Variants in PKD1 observed in about 807,000 individuals in gnomAD.
PKD1 encodes polycystin 1, transient receptor potential channel interacting.
Under a neutral mutation model 361.7 loss-of-function variants are expected in PKD1, and 81 were observed. The observed-to-expected ratio is 0.22, with a 90% CI of 0.19 to 0.27. The LOEUF (loss-of-function observed/expected upper bound fraction) is 0.27, where lower values mean the gene tolerates loss of function less well. Among genes scored for constraint, PKD1 ranks in the 10% least tolerant of loss-of-function variants. The pLI is 1.00. For missense variants in PKD1, 6,399 were observed against 6,118.3 expected (o/e 1.05, Z -1.53); for synonymous variants, 3,615 against 2,818.3 (o/e 1.28, Z -8.95).
chr16:2,095,796 T>C (rs2091821827), intron 34 of PKD1, among the ~76,000 whole-genome samples: 2 of 152,228 alleles, frequency 1.3e-5, no homozygotes, highest in Admixed American at 1.3e-4. Flanking sequence ...ATGCGGAGTC[T>C]GAGCTGCCGT....
rs1368794491 is a variant in PKD1, at chr16:2,091,132, C to G, written c.11755G>C (p.Ala3919Pro). ...LFAVHFAVAE[A>P]RTWHREGRWR... ...CGCCCTTCCCTGTGCCAAGTACGGG[C>G]CTCGGCCACGGCGAAGTGCACGGCG... The change falls in exon 43 of 46, where the codon GCC becomes CCC. Residue 3919 changes from alanine (A) to proline (P), a missense_variant. Physicochemically the swap from Ala to Pro is conservative, Grantham distance 27. Transcript: ENST00000262304. 4 of 1,483,744 alleles carry G rather than the reference C, an allele frequency of 2.7e-6. No individual in the cohort carries two copies. The highest frequency in any genetic ancestry group is 3.6e-6 in the Non-Finnish European group (4 of 1,124,598). The allele number at this position is 1,483,744 out of a possible 1,614,324, so 91.9% of individuals were successfully genotyped here. A position where few individuals can be genotyped will look rare whatever the true frequency, so the allele number is the denominator to read the frequency against.
In PKD1 at chr16:2,090,391, A is replaced by G. The variant is rs769106171; in HGVS notation, c.12338T>C (p.Leu4113Ser). The G allele has an allele frequency of 1.2e-6, 2 of 1,612,516 alleles. No homozygotes were observed. The highest frequency in any genetic ancestry group is 1.3e-5 in the African/African-American group (1 of 74,914). The change falls in exon 45 of 46, where the codon TTG becomes TCG. Residue 4113 changes from leucine to serine, a missense_variant. Transcript: ENST00000262304. Reference sequence around the variant, plus strand: ...GGCCGGCCGGTACAGCTCTCCACGCAAGGCGTGGTAGCGCCAGCGGAGAAT... The same window carrying G: ...GGCCGGCCGGTACAGCTCTCCACGCGAGGCGTGGTAGCGCCAGCGGAGAAT... ...AVILRWRYHA[L>S]RGELYRPAWE... is the part of the protein sequence containing the mutation.
chr16:2,122,113 C>G (rs779125693), intron 1 of PKD1, among the ~76,000 whole-genome samples: 80 of 152,354 alleles, frequency 5.3e-4, no homozygotes, highest in Non-Finnish European at 9.4e-4. Flanking sequence ...GGACCAGAGG[C>G]CACCCCAGCT....
At chr16:2,121,999 C>T (rs1034850732) in intron 1 of PKD1, among the ~76,000 whole-genome samples, 2 of 152,254 alleles carry the variant, frequency 1.3e-5, no homozygotes, top group African/African-American at 4.8e-5. Flanking sequence ...ACCGGAGCTC[C>T]GCTCCCACAG....
intron 21 of PKD1, among the ~76,000 whole-genome samples, 173 bp downstream of exon 21, chr16:2,105,149 G>C (rs2092293288): frequency 1.3e-5 from 2 of 149,762 alleles, no homozygotes; most frequent in Non-Finnish European, 3.0e-5. Context: ...CGTTCACACA[G>C]GACAGAACGG....
intron 1 of PKD1, among the ~76,000 whole-genome samples, chr16:2,127,749 TGA>T (rs1422479311): frequency 6.6e-6 from 1 of 151,104 alleles, no homozygotes; most frequent in African/African-American, 2.4e-5. Context: ...AAACTGAGGC[TGA>T]GAGACTGGAC....
Position 2,090,869 on chromosome 16 carries a change from C to G in PKD1, c.12003+15G>C, listed in dbSNP as rs749989463. On this transcript the variant is annotated intron_variant, in intron 43 of 45. Transcript: ENST00000262304. ...GGTGTGCGCCCAGCCCCGCGCCCAC[C>G]GGCCCAGCCCTCACCTTGACCAAAA... 4 of 1,606,354 alleles carry G rather than the reference C, an allele frequency of 2.5e-6. No individual in the cohort carries two copies. The highest frequency in any genetic ancestry group is 3.4e-6 in the Non-Finnish European group (4 of 1,179,674).
At chr16:2,115,340 G>A (rs1317181212) in intron 10 of PKD1, 38 bp downstream of exon 10, 17 of 1,460,874 alleles carry the variant, frequency 1.2e-5, no homozygotes, top group Non-Finnish European at 1.6e-5. Context: ...GGTGGCCTGA[G>A]GAGATGCAGG....
intron 1 of PKD1, chr16:2,133,057 T>G (rs2092906746): frequency 1.6e-5 from 2 of 127,598 alleles, no homozygotes; most frequent in Non-Finnish European, 1.6e-5. Context: ...ACTCCAGCCT[T>G]GGCAACAAGA....
In PKD1 at chr16:2,093,926, GC is replaced by G; in HGVS notation, c.10705del (p.Ala3569LeufsTer16). 6.3e-7 allele frequency: 1 copy of G among 1,584,650 alleles called. No homozygotes were observed. On this transcript the variant is annotated frameshift_variant, in exon 36 of 46. Transcript: ENST00000262304. LOFTEE classifies it high-confidence loss of function. Reference protein sequence around the residue: ...HGLSLLLVAVAVAVSGWVGAS... With the variant: ...HGLSLLLVAVXVAVSGWVGAS... ...ACCCACCCACCCTGAGACAGCCACA[GC>G]CACAGCCACCAGGAGCAGGCTGAGC...
In PKD1 at chr16:2,108,971, G is replaced by A. The variant is rs2092431506; in HGVS notation, c.6196C>T (p.Leu2066=). Residue 2066 remains leucine (L), a synonymous_variant, in exon 15 of 46, where the codon CTG becomes TTG. Coordinates refer to ENST00000262304, the MANE Select transcript of PKD1 (RefSeq NM_001009944.3). ...TTGGTGAAGCAGGGGCCGCTCTGCA[G>A]GGCCACATACTGGACGGCGTCCTGA... is the stretch of plus-strand genomic sequence containing the variant. ...EVQDAVQYVA[L]QSGPCFTNRS... 3 of 1,609,734 alleles carry A rather than the reference G, an allele frequency of 1.9e-6. No homozygotes were observed. The African/African-American group carries it at 4.0e-5, about 22-fold the overall frequency.
At position 2,135,507 on chromosome 16, in the gene PKD1, G is replaced by C. The variant is rs2092940063; in HGVS notation, c.183C>G (p.Pro61=). The C allele has an allele frequency of 4.3e-6, 5 of 1,169,338 alleles. No homozygotes were observed. Among genetic ancestry groups the C allele is most frequent in the Non-Finnish European group, 1.1e-6 (1 of 946,688 alleles). 72.4% of individuals were successfully genotyped at this position (1,169,338 alleles called of 1,614,324 possible). Residue 61 remains proline (P), a synonymous_variant, in exon 1 of 46, where the codon CCC becomes CCG. Coordinates refer to ENST00000262304, the MANE Select transcript of PKD1 (RefSeq NM_001009944.3). ...CSGRGLRTLG[P]ALRIPADATA... The stretch of plus-strand genomic sequence containing the variant: ...TGGCGTCCGCGGGGATGCGCAGCGC[G>C]GGACCGAGCGTCCGCAGCCCGCGGC...
chr16:2,126,813 C>G (rs938079240), intron 1 of PKD1, among the ~76,000 whole-genome samples: 2 of 152,276 alleles, frequency 1.3e-5, no homozygotes, highest in African/African-American at 4.8e-5. Flanking sequence ...GGGTCTCCCC[C>G]ACGAGCAGGG....
At position 2,115,619 on chromosome 16, in the gene PKD1, G is replaced by A. The variant is rs754770106; in HGVS notation, c.1856C>T (p.Pro619Leu). ...GCTCTCAGGCTCGCTGCCGTTCTCC[G>A]GGGTCCCTGTGAGGAGGGGAGGGTG... Reference protein sequence around the residue: ...VYRLLSTAGTPENGSEPESRS... With the variant: ...VYRLLSTAGTLENGSEPESRS... Residue 619 changes from proline to leucine, a missense_variant, in exon 10 of 46, where the codon CCG becomes CTG. By Grantham distance (98) the Pro-to-Leu change is moderately conservative. Transcript: ENST00000262304. 3.2e-5 allele frequency: 51 copies of A among 1,600,688 alleles called. No individual in the cohort carries two copies. The highest frequency in any genetic ancestry group is 1.6e-4 in the African/African-American group (12 of 74,496).
At chr16:2,107,741 C>G (rs1350476624) in intron 16 of PKD1, 142 bp downstream of exon 16, 7 of 779,650 alleles carry the variant, frequency 9.0e-6, no homozygotes, top group Non-Finnish European at 1.5e-5. Flanking sequence ...CTGAAGCAGG[C>G]TGTCGTGTTA....
rs1242007495 is a variant in PKD1 at position 2,132,250 on chromosome 16, C to CA, written c.215+3224dup. The stretch of plus-strand genomic sequence containing the variant: ...GGGCAACAAGAGCGAAACTCCGTCT[C>CA]AAAAAAAAAAAAAAAGTATATATTT... On this transcript the variant is annotated intron_variant, in intron 1 of 45. Coordinates refer to ENST00000262304, the MANE Select transcript of PKD1 (RefSeq NM_001009944.3). Among the ~76,000 whole-genome samples the CA allele has an allele frequency of 2.0e-3, 216 of 108,544 alleles. 1 individual carries two copies. Among genetic ancestry groups the CA allele is most frequent in the Admixed American group, 1.5e-3 (16 of 10,378 alleles). The allele number at this position is 108,544 out of a possible 152,430, so 71.2% of individuals were successfully genotyped here.
rs191850308 is a variant in PKD1 at position 2,105,988 on chromosome 16, G to A, written c.7740C>T (p.Ser2580=). 386 of 1,603,532 alleles carry A rather than the reference G, an allele frequency of 2.4e-4. 1 individual carries two copies. In the East Asian group the frequency reaches 5.2e-3, roughly 22 times the overall value. The part of the protein sequence containing the change: ...LAITLPEPNG[S]ATGLTVWLHG... ...GCAGCCAGACTGTGAGCCCCGTTGC[G>A]CTGCCGTTGGGCTCTGGGAGGGTGA... Residue 2580 remains serine (S), a synonymous_variant, in exon 20 of 46, where the codon AGC becomes AGT. Coordinates refer to ENST00000262304, the MANE Select transcript of PKD1 (RefSeq NM_001009944.3).
Position 2,091,409 on chromosome 16 carries a change from G to T in PKD1, c.11712+14C>A. The stretch of plus-strand genomic sequence containing the variant: ...CCGGTGGGAGGCGCGGGGTCTGGCC[G>T]GGGACGGGCGTACCGAGGTGAGCAG... On this transcript the variant is annotated intron_variant, in intron 42 of 45. Coordinates refer to ENST00000262304, the MANE Select transcript of PKD1 (RefSeq NM_001009944.3). The T allele has an allele frequency of 1.8e-6, 2 of 1,136,738 alleles. No homozygotes were observed. The highest frequency in any genetic ancestry group is 1.1e-6 in the Non-Finnish European group (1 of 925,872). 70.4% of individuals were successfully genotyped at this position (1,136,738 alleles called of 1,614,324 possible).
At chr16:2,101,779 A>G (rs1414692538) in intron 26 of PKD1, among the ~76,000 whole-genome samples, 2 of 152,262 alleles carry the variant, frequency 1.3e-5, no homozygotes, top group Non-Finnish European at 2.9e-5. Context: ...AGTCTCCCAC[A>G]GTGGTAGCGA....
Sources: allele counts gnomAD v4.1 joint callset (sites outside exome capture counted in the v4.1 genomes callset), GRCh38; gene constraint gnomAD v4.1.1; transcripts MANE v1.5; gene names NCBI Gene and HGNC (gene_info 2026-07-23, HGNC 2026-07-21).